The following CRYBG1 variants were observed in gnomAD, a reference collection of about 807,000 sequenced individuals.
CRYBG1 encodes the protein crystallin beta-gamma domain containing 1.
CRYBG1 carries 139 observed loss-of-function variants against 189.2 expected under a neutral mutation model. That is an observed-to-expected ratio of 0.73 (90% CI 0.64 to 0.85). The LOEUF (loss-of-function observed/expected upper bound fraction) is 0.85, where lower values mean the gene tolerates loss of function less well. Among genes scored for constraint, CRYBG1 ranks in the 40% least tolerant of loss-of-function variants. The pLI is 0.00. For synonymous variants in CRYBG1, 1,023 were observed against 1,017.1 expected, an observed-to-expected ratio of 1.01 and a Z score of -0.11; for missense variants, 2,611 against 2,675.8, an observed-to-expected ratio of 0.98 and a Z score of 0.53.
In CRYBG1 at chr6:106,522,844, C is replaced by T. The variant is rs111289756; in HGVS notation, c.4245+1391C>T. Among the ~76,000 whole-genome samples the T allele has an allele frequency of 2.3e-3, 355 of 152,236 alleles. 4 individuals carry two copies. The highest frequency in any genetic ancestry group is 8.2e-3 in the African/African-American group (342 of 41,536). ...CTTTCAAAATATATGGTTGGGTTTC[C>T]AGCAGAGGTGCAGATCCCTTTTTCA... On this transcript the variant is annotated intron_variant, in intron 4 of 21. Coordinates refer to ENST00000633556, the MANE Select transcript of CRYBG1 (RefSeq NM_001371242.2).
intron 17 of CRYBG1, among the ~76,000 whole-genome samples, chr6:106,558,216 G>A (rs9320178): frequency 0.17 from 23,721 of 138,078 alleles, 2,290 homozygotes; most frequent in African/African-American, 0.28. Flanking sequence ...TATTCCCAGC[G>A]TATACCCATT....
At chr6:106,521,902 A>G (rs1773620722) in intron 4 of CRYBG1, among the ~76,000 whole-genome samples, 1 of 151,786 alleles carries the variant, frequency 6.6e-6, no homozygotes, top group Non-Finnish European at 1.5e-5. Flanking sequence ...TATTTTTAGT[A>G]AAGACTGAAA....
chr6:106,427,618 C>T (rs1284970893), intron 1 of CRYBG1, among the ~76,000 whole-genome samples: 4 of 152,116 alleles, frequency 2.6e-5, no homozygotes, highest in African/African-American at 4.8e-5. Context: ...TTTTGTCTCC[C>T]GCTGCCCTAC....
intron 7 of CRYBG1, among the ~76,000 whole-genome samples, chr6:106,528,516 A>C (rs1407271880): frequency 1.3e-5 from 2 of 152,166 alleles, no homozygotes; most frequent in Non-Finnish European, 2.9e-5. Flanking sequence ...TAATACAGGT[A>C]CAATGCTGTT....
chr6:106,548,055 C>T (rs1432660057), intron 13 of CRYBG1, among the ~76,000 whole-genome samples: 7 of 152,128 alleles, frequency 4.6e-5, no homozygotes, highest in African/African-American at 7.2e-5. Context: ...TACCCTGCTG[C>T]CCTTATCTTC....
At chr6:106,388,862 G>A (rs1251929729) in intron 1 of CRYBG1, among the ~76,000 whole-genome samples, 1 of 152,146 alleles carries the variant, frequency 6.6e-6, no homozygotes, top group Non-Finnish European at 1.5e-5. Flanking sequence ...AGAAAGATCA[G>A]TGCTTTTTAC....
intron 2 of CRYBG1, 99 bp from the exon 3 acceptor site, chr6:106,511,331 T>C (rs1236127974): frequency 9.6e-7 from 1 of 1,039,902 alleles, no homozygotes; most frequent in East Asian, 2.7e-5. Context: ...TTAGAAACTC[T>C]GGTCTGTTAT....
intron 8 of CRYBG1, among the ~76,000 whole-genome samples, chr6:106,534,192 A>G (rs1773938082): frequency 2.6e-5 from 4 of 152,218 alleles, no homozygotes; most frequent in Admixed American, 6.5e-5. Flanking sequence ...AGGCTTGGCT[A>G]TGTTGAAGCA....
At chr6:106,488,845 C>T (rs1247926458) in intron 2 of CRYBG1, among the ~76,000 whole-genome samples, 1 of 152,078 alleles carries the variant, frequency 6.6e-6, no homozygotes, top group Non-Finnish European at 1.5e-5. Flanking sequence ...GTAATGAAAG[C>T]AAGGTGTCAG....
chr6:106,426,551 A>G (rs1331155222), intron 1 of CRYBG1, among the ~76,000 whole-genome samples: 2 of 152,092 alleles, frequency 1.3e-5, no homozygotes, highest in Admixed American at 6.5e-5. Context: ...TCTCAAATGG[A>G]TGCCTAATTA....
intron 1 of CRYBG1, among the ~76,000 whole-genome samples, chr6:106,445,855 G>T (rs868600860): frequency 6.6e-6 from 1 of 152,186 alleles, no homozygotes; most frequent in Non-Finnish European, 1.5e-5. Context: ...AACCCATTCT[G>T]TAAATCCAAA....
intron 1 of CRYBG1, among the ~76,000 whole-genome samples, chr6:106,401,283 G>A (rs974200171): frequency 1.4e-4 from 22 of 151,880 alleles, no homozygotes; most frequent in Admixed American, 9.2e-4. Flanking sequence ...TATTTTGTAC[G>A]GATTATCTAC....
rs946988254 is a variant in CRYBG1, at chr6:106,375,592, C to T, written c.173+14511C>T. Among the ~76,000 whole-genome samples the T allele has an allele frequency of 4.6e-5, 7 of 152,164 alleles. 1 individual carries two copies. The highest frequency in any genetic ancestry group is 4.6e-4 in the Admixed American group (7 of 15,264). On this transcript the variant is annotated intron_variant, in intron 1 of 21. Transcript: ENST00000633556. ...AGGCCCAAAGGTACCACTTTATCTT[C>T]CTTAAAGAGGCTCAGTTGGTTAGCA...
intron 2 of CRYBG1, among the ~76,000 whole-genome samples, chr6:106,496,003 G>A (rs1332847631): frequency 6.6e-6 from 1 of 152,062 alleles, no homozygotes; most frequent in East Asian, 1.9e-4. Context: ...TAAAATGTAG[G>A]TTATCTTTCA....
At chr6:106,466,651 G>A (rs773752061) in intron 2 of CRYBG1, among the ~76,000 whole-genome samples, 2 of 152,218 alleles carry the variant, frequency 1.3e-5, no homozygotes, top group East Asian at 1.9e-4. Context: ...AAAAGATAGT[G>A]TATTTAGTTG....
intron 19 of CRYBG1, among the ~76,000 whole-genome samples, 189 bp from the exon 20 acceptor site, chr6:106,561,153 C>T (rs1582841788): frequency 6.6e-6 from 1 of 152,200 alleles, no homozygotes; most frequent in East Asian, 1.9e-4. Context: ...CAGGCAGGCA[C>T]CCTGCCTCAG....
Position 106,481,198 on chromosome 6 carries a change from T to A in CRYBG1, c.312+29366T>A, listed in dbSNP as rs920553091. Among the ~76,000 whole-genome samples, 8 of 61,420 alleles carry A rather than the reference T, an allele frequency of 1.3e-4. 1 individual carries two copies. Among genetic ancestry groups the A allele is most frequent in the Non-Finnish European group, 2.3e-4 (8 of 34,840 alleles). 40.3% of individuals were successfully genotyped at this position (61,420 alleles called of 152,430 possible). A position where few individuals can be genotyped will look rare whatever the true frequency, so the allele number is the denominator to read the frequency against. ...ACCGTTTTAGCCGGGATGGTCTCGATCTCTTGACCTCGTGATCCGCCCGCC... is the reference window on the plus strand; with the variant it reads ...ACCGTTTTAGCCGGGATGGTCTCGAACTCTTGACCTCGTGATCCGCCCGCC... On this transcript the variant is annotated intron_variant, in intron 2 of 21. Coordinates refer to ENST00000633556, the MANE Select transcript of CRYBG1 (RefSeq NM_001371242.2).
chr6:106,416,956 T>G (rs1299758713), intron 1 of CRYBG1, among the ~76,000 whole-genome samples: 2 of 151,500 alleles, frequency 1.3e-5, no homozygotes, highest in Non-Finnish European at 2.9e-5. Flanking sequence ...TTACATTGAG[T>G]TTTTTTTACA....
intron 1 of CRYBG1, among the ~76,000 whole-genome samples, chr6:106,435,890 G>C (rs539293627): frequency 1.3e-5 from 2 of 152,178 alleles, no homozygotes; most frequent in Admixed American, 6.5e-5. Flanking sequence ...AAAACAAATC[G>C]TGTCTTGGAA....
Sources: gnomAD v4.1 joint callset for allele counts (sites outside exome capture counted in the v4.1 genomes callset) on GRCh38, gnomAD v4.1.1 for gene constraint, MANE v1.5 for transcripts, NCBI Gene and HGNC (gene_info 2026-07-23, HGNC 2026-07-21) for gene names.